The following PCDHGA3 variants were observed in gnomAD, a reference collection of about 807,000 sequenced individuals.
PCDHGA3 encodes the protein protocadherin gamma-A3.
Under a neutral mutation model 58.5 loss-of-function variants are expected in PCDHGA3, and 40 were observed. The observed-to-expected ratio is 0.68, with a 90% CI of 0.53 to 0.89. The LOEUF is 0.89. Among genes scored for constraint, PCDHGA3 ranks in the 40% least tolerant of loss-of-function variants. The pLI is 0.00. For synonymous variants in PCDHGA3, 530 were observed against 525.7 expected (o/e 1.01, Z -0.11); for missense variants, 1,223 against 1,195.9 (o/e 1.02, Z -0.33).
intron 1 of PCDHGA3, chr5:141,412,659 C>T (rs1013218327): frequency 7.9e-5 from 12 of 152,212 alleles, no homozygotes; most frequent in African/African-American, 2.4e-4. Flanking sequence ...TACCTAGACA[C>T]TAATATGACC....
chr5:141,365,484 C>T (rs1763944357), intron 1 of PCDHGA3: 1 of 1,613,876 alleles, frequency 6.2e-7, no homozygotes, highest in African/African-American at 1.3e-5. Flanking sequence ...ATTGCATGCT[C>T]TATTCCTAGG....
At chr5:141,465,488 G>A (rs2099104080) in intron 1 of PCDHGA3, among the ~76,000 whole-genome samples, 1 of 152,224 alleles carries the variant, frequency 6.6e-6, no homozygotes. Flanking sequence ...AGAGGAATGA[G>A]CGGGAGCATT....
intron 1 of PCDHGA3, chr5:141,423,138 C>G (rs767107885): frequency 1.2e-6 from 2 of 1,613,606 alleles, no homozygotes; most frequent in Non-Finnish European, 1.7e-6. Flanking sequence ...TGGACAGAGA[C>G]GCGCTCAAGC....
In PCDHGA3 at chr5:141,346,437, G is replaced by A. The variant is rs759223257; in HGVS notation, c.2404G>A (p.Gly802Arg). 5.6e-6 allele frequency: 9 copies of A among 1,614,222 alleles called. No homozygotes were observed. Among genetic ancestry groups the A allele is most frequent in the Non-Finnish European group, 6.8e-6 (8 of 1,180,048 alleles). ...AACTCAGGATTTACTTGAAATGAAAGGAGATTCCAACCTACTTCAGGTGAG... is the reference window on the plus strand; with the variant it reads ...AACTCAGGATTTACTTGAAATGAAAAGAGATTCCAACCTACTTCAGGTGAG... Reference protein sequence around the residue: ...LITQDLLEMKGDSNLLQQAPP... With the variant: ...LITQDLLEMKRDSNLLQQAPP... Residue 802 changes from glycine to arginine, a missense_variant, in exon 1 of 4, where the codon GGA (glycine) becomes AGA (arginine). Gly to Arg is a moderately radical substitution (Grantham distance 125). This residue lies in a region of PCDHGA3 where 325 missense variants were observed against 327.5 expected (regional missense o/e 0.99). Transcript: ENST00000253812.
At chr5:141,386,956 G>A (rs1561613070) in intron 1 of PCDHGA3, among the ~76,000 whole-genome samples, 1 of 152,208 alleles carries the variant, frequency 6.6e-6, no homozygotes, top group Non-Finnish European at 1.5e-5. Context: ...CTTCAGTGCA[G>A]CAGATCTCAG....
At chr5:141,372,535 G>A in intron 1 of PCDHGA3, 2 of 1,613,924 alleles carry the variant, frequency 1.2e-6, no homozygotes, top group Non-Finnish European at 1.7e-6. Flanking sequence ...ATCTCCCTGC[G>A]CCTGCGATGC....
Position 141,491,458 on chromosome 5 carries a change from G to C in PCDHGA3, c.2425-3349G>C. 1 of 1,614,092 alleles carries C rather than the reference G, an allele frequency of 6.2e-7. No individual in the cohort carries two copies. The highest frequency in any genetic ancestry group is 8.5e-7 in the Non-Finnish European group (1 of 1,180,022). On this transcript the variant is annotated intron_variant, in intron 1 of 3. Coordinates refer to ENST00000253812, the MANE Select transcript of PCDHGA3 (RefSeq NM_018916.4). The surrounding 1 kb of genome is among the most constrained non-coding windows in gnomAD (Gnocchi z 6.9). Reference sequence around the variant, plus strand: ...CAGGCGCCAGGACTCACCCTCCCCGGACTTCTATAAGCAGTCCAGCCCCAA... The same window carrying C: ...CAGGCGCCAGGACTCACCCTCCCCGCACTTCTATAAGCAGTCCAGCCCCAA...
chr5:141,487,890 G>C lies in PCDHGA3; in HGVS notation c.2425-6917G>C. 3 of 745,430 alleles carry C rather than the reference G, an allele frequency of 4.0e-6. No homozygotes were observed. Among genetic ancestry groups the C allele is most frequent in the Non-Finnish European group, 6.5e-6 (3 of 462,522 alleles). The allele number at this position is 745,430 out of a possible 1,614,324, so 46.2% of individuals were successfully genotyped here. A position where few individuals can be genotyped will look rare whatever the true frequency, so the allele number is the denominator to read the frequency against. On this transcript the variant is annotated intron_variant, in intron 1 of 3. Coordinates refer to ENST00000253812, the MANE Select transcript of PCDHGA3 (RefSeq NM_018916.4). This position sits in a 1 kb window ranked among gnomAD's most constrained non-coding sequence, Gnocchi z 5.0. ...AAGAGCCAGGCTGTTGTGGAAGCAT[G>C]ATGATGGAATGTGGGAGCACAGGAG...
rs2099694486 is a variant in PCDHGA3 at position 141,489,987 on chromosome 5, G to A, written c.2425-4820G>A. The A allele has an allele frequency of 1.2e-6, 2 of 1,614,106 alleles. No homozygotes were observed. The highest frequency in any genetic ancestry group is 1.3e-5 in the African/African-American group (1 of 74,932). The stretch of plus-strand genomic sequence containing the variant: ...CCTTCCAATCCTCAGTTCTACGTGT[G>A]GGAATCCCAGAGAATGCACCCATTG... On this transcript the variant is annotated intron_variant, in intron 1 of 3. Coordinates refer to ENST00000253812, the MANE Select transcript of PCDHGA3 (RefSeq NM_018916.4). The surrounding 1 kb of genome is among the most constrained non-coding windows in gnomAD (Gnocchi z 4.5).
chr5:141,384,089 C>T, intron 1 of PCDHGA3: 1 of 1,596,318 alleles, frequency 6.3e-7, no homozygotes, highest in South Asian at 1.1e-5. Context: ...TTAGAAAAAT[C>T]AATAGATAAT....
At chr5:141,394,268 C>G in intron 1 of PCDHGA3, 1 of 1,613,946 alleles carries the variant, frequency 6.2e-7, no homozygotes, top group African/African-American at 1.3e-5. Flanking sequence ...AGGAGAATGC[C>G]CAGGTCACTT....
chr5:141,366,938 A>G (rs1177560870), intron 1 of PCDHGA3: 1 of 843,674 alleles, frequency 1.2e-6, no homozygotes, highest in Non-Finnish European at 1.8e-6. Flanking sequence ...TGGGAAGTCT[A>G]GCTGATATCT....
intron 1 of PCDHGA3, chr5:141,393,562 A>C: frequency 6.2e-7 from 1 of 1,613,964 alleles, no homozygotes; most frequent in Non-Finnish European, 8.5e-7. Context: ...TACCGAGTGA[A>C]AGTCCTTGAG....
At chr5:141,410,132 G>T (rs1278988827) in intron 1 of PCDHGA3, 1 of 1,612,754 alleles carries the variant, frequency 6.2e-7, no homozygotes, top group Non-Finnish European at 8.5e-7. Flanking sequence ...GCGCCTGCTG[G>T]TCGCTGTGCG....
intron 1 of PCDHGA3, chr5:141,398,694 T>A: frequency 6.2e-7 from 1 of 1,613,868 alleles, no homozygotes; most frequent in Non-Finnish European, 8.5e-7. Context: ...AGGATGGTAG[T>A]AAATACCCGG....
intron 1 of PCDHGA3, chr5:141,351,315 T>C: frequency 6.2e-7 from 1 of 1,613,888 alleles, no homozygotes; most frequent in Non-Finnish European, 8.5e-7. Flanking sequence ...TCTAACCAGA[T>C]TCCAGAGGAT....
chr5:141,398,148 G>T lies in PCDHGA3; in HGVS notation c.2424+51691G>T, dbSNP rs768560617. The T allele has an allele frequency of 9.4e-6, 14 of 1,497,140 alleles. 1 individual carries two copies. Among genetic ancestry groups the T allele is most frequent in the East Asian group, 9.3e-5 (4 of 42,788 alleles). 92.7% of individuals were successfully genotyped at this position (1,497,140 alleles called of 1,614,324 possible). On this transcript the variant is annotated intron_variant, in intron 1 of 3. Coordinates refer to ENST00000253812, the MANE Select transcript of PCDHGA3 (RefSeq NM_018916.4). ...GAGGGATGGGGAGCGGCGCCGGGGA[G>T]CTGGGCCGGGCTGAGAGGCTGCCAG...
chr5:141,373,897 C>T, intron 1 of PCDHGA3: 1 of 537,056 alleles, frequency 1.9e-6, no homozygotes, highest in Non-Finnish European at 3.1e-6. Flanking sequence ...ACTCAAGTTA[C>T]ATCCTCCAAC....
rs537850909 is a variant in PCDHGA3 at position 141,441,865 on chromosome 5, G to A, written c.2425-52942G>A. ...CTTGGATATGGTGCTGCACGCCGCG[G>A]AGCCTGGCTACCTGGTCACCAAGGT... On this transcript the variant is annotated intron_variant, in intron 1 of 3. Coordinates refer to ENST00000253812, the MANE Select transcript of PCDHGA3 (RefSeq NM_018916.4). The A allele has an allele frequency of 4.0e-4, 138 of 345,718 alleles. 1 individual carries two copies. The Admixed American group carries it at 4.6e-3, about 12-fold the overall frequency. The allele number at this position is 345,718 out of a possible 1,614,324, so 21.4% of individuals were successfully genotyped here. A position where few individuals can be genotyped will look rare whatever the true frequency, so the allele number is the denominator to read the frequency against.
Sources: allele counts gnomAD v4.1 joint callset (sites outside exome capture counted in the v4.1 genomes callset), GRCh38; gene constraint gnomAD v4.1.1; regional missense constraint gnomAD v4.1.1; non-coding constraint Gnocchi (gnomAD v3.1); transcripts MANE v1.5; gene names NCBI Gene and HGNC (gene_info 2026-07-23, HGNC 2026-07-21).